MARCHF1: variants seen among roughly 807,000 people sequenced by gnomAD.
The protein encoded by MARCHF1 is E3 ubiquitin-protein ligase MARCHF1.
In MARCHF1, 40 loss-of-function variants were observed where a neutral mutation model predicts 54.2. The ratio of observed to expected loss-of-function variants is 0.74; its 90% CI spans 0.57 to 0.96. The LOEUF is 0.96. MARCHF1 is among the 40% of genes least tolerant of loss of function. The pLI, the probability that MARCHF1 is intolerant of heterozygous loss-of-function variation, is 0.00. For missense variants in MARCHF1, 586 were observed against 656.5 expected (o/e 0.89, Z 1.17); for synonymous variants, 236 against 236.3 (o/e 1.00, Z 0.01).
chr4:163,880,003 G>T (rs1750380223), intron 3 of MARCHF1, among the ~76,000 whole-genome samples: 1 of 151,884 alleles, frequency 6.6e-6, no homozygotes, highest in Non-Finnish European at 1.5e-5. Context: ...TGATGGCTAA[G>T]AAAAAGTTTT....
At chr4:164,049,721 G>T (rs576709087) in intron 2 of MARCHF1, among the ~76,000 whole-genome samples, 2 of 152,074 alleles carry the variant, frequency 1.3e-5, no homozygotes, top group Non-Finnish European at 2.9e-5. Context: ...AGCATGAAAG[G>T]AAATGTCACC....
intron 2 of MARCHF1, among the ~76,000 whole-genome samples, chr4:164,042,968 T>G (rs1049511870): frequency 6.6e-6 from 1 of 152,210 alleles, no homozygotes; most frequent in Admixed American, 6.5e-5. Context: ...GGCATGCTAA[T>G]GCAAGGAGGG....
intron 4 of MARCHF1, among the ~76,000 whole-genome samples, chr4:163,832,597 T>TTATTA (rs1469692142): frequency 3.3e-5 from 5 of 150,264 alleles, no homozygotes; most frequent in Non-Finnish European, 5.9e-5. Context: ...ATTATTATTA[T>TTATTA]TATTATAATA....
In MARCHF1 at chr4:164,284,833, C is replaced by T. The variant is rs72691857; in HGVS notation, c.-323+99037G>A. Among the ~76,000 whole-genome samples, 1,058 of 151,086 alleles carry T rather than the reference C, an allele frequency of 7.0e-3. 21 individuals are homozygous for T. The highest frequency in any genetic ancestry group is 0.012 in the Non-Finnish European group (799 of 67,978). On this transcript the variant is annotated intron_variant, in intron 1 of 9. Transcript: ENST00000514618. ...ATCGTATATGTTTAGCACATATTTT[C>T]GATACAACATGAAAAAATTAGATAC...
At chr4:163,958,435 G>A (rs528995354) in intron 3 of MARCHF1, among the ~76,000 whole-genome samples, 7 of 151,942 alleles carry the variant, frequency 4.6e-5, no homozygotes, top group Non-Finnish European at 7.4e-5. Context: ...AATGTAGCAG[G>A]CATTTAATAA....
At chr4:163,854,267 C>A in intron 3 of MARCHF1, 98 bp from the exon 4 acceptor site, 1 of 898,616 alleles carries the variant, frequency 1.1e-6, no homozygotes, top group Non-Finnish European at 1.6e-6. Context: ...TAACAAAACA[C>A]TAATTGAGAC....
chr4:163,965,937 T>C (rs1052154610), intron 3 of MARCHF1, among the ~76,000 whole-genome samples: 11 of 152,220 alleles, frequency 7.2e-5, no homozygotes, highest in African/African-American at 2.6e-4. Context: ...CCTCTCACAA[T>C]TTTTAGTGAA....
At chr4:164,220,249 T>TA (rs1732054621) in intron 1 of MARCHF1, among the ~76,000 whole-genome samples, 1 of 148,448 alleles carries the variant, frequency 6.7e-6, no homozygotes, top group Non-Finnish European at 1.5e-5. Context: ...TATACACACA[T>TA]ACGTATATAT....
At chr4:164,310,382 G>C (rs1040421317) in intron 1 of MARCHF1, among the ~76,000 whole-genome samples, 1 of 152,046 alleles carries the variant, frequency 6.6e-6, no homozygotes, top group Non-Finnish European at 1.5e-5. Flanking sequence ...GGCCACATGA[G>C]ATGTTTTGAT....
intron 7 of MARCHF1, among the ~76,000 whole-genome samples, chr4:163,588,935 A>C (rs1740495784): frequency 6.6e-6 from 1 of 152,176 alleles, no homozygotes; most frequent in African/African-American, 2.4e-5. Flanking sequence ...AAATTTTACA[A>C]AATAAATCAC....
chr4:164,328,472 T>C (rs1306930732), intron 1 of MARCHF1, among the ~76,000 whole-genome samples: 4 of 152,132 alleles, frequency 2.6e-5, no homozygotes, highest in Admixed American at 6.5e-5. Flanking sequence ...CTAAAGATAA[T>C]GTGCAACTGA....
chr4:164,289,763 A>C (rs1157838756), intron 1 of MARCHF1, among the ~76,000 whole-genome samples: 1 of 151,932 alleles, frequency 6.6e-6, no homozygotes, highest in Non-Finnish European at 1.5e-5. Flanking sequence ...CTTTTAAAAA[A>C]TCTGATCATA....
chr4:164,129,405 T>C (rs997779041), intron 1 of MARCHF1, among the ~76,000 whole-genome samples: 2 of 152,190 alleles, frequency 1.3e-5, no homozygotes, highest in African/African-American at 4.8e-5. Flanking sequence ...CATAATATTT[T>C]ATTAATGTAA....
chr4:163,797,301 G>A (rs1392818607), intron 4 of MARCHF1, among the ~76,000 whole-genome samples: 1 of 150,962 alleles, frequency 6.6e-6, no homozygotes, highest in East Asian at 1.9e-4. Flanking sequence ...TTTGTCTTTG[G>A]TATTATGTAC....
At chr4:164,161,905 G>A (rs1291908711) in intron 1 of MARCHF1, among the ~76,000 whole-genome samples, 1 of 152,100 alleles carries the variant, frequency 6.6e-6, no homozygotes, top group Non-Finnish European at 1.5e-5. Context: ...AGTTCACTGA[G>A]GGACCTGGCA....
chr4:163,528,326 T>TTATTA lies in MARCHF1; in HGVS notation c.*421_*422insTAATA, dbSNP rs68023545. 6.3e-3 allele frequency: 240 copies of TTATTA among 38,064 alleles called. 1 individual carries two copies. The highest frequency in any genetic ancestry group is 0.016 in the African/African-American group (226 of 14,022). 2.4% of individuals were successfully genotyped at this position (38,064 alleles called of 1,614,324 possible). ...TCAGGCTTAAAACCAAATATGTTAGTTATTTCCAGATGAGACAGTTAACAT... is the reference window on the plus strand; with the variant it reads ...TCAGGCTTAAAACCAAATATGTTAGTTATTATATTTCCAGATGAGACAGTTAACAT... On this transcript the variant is annotated 3_prime_UTR_variant, in exon 10 of 10. Transcript: ENST00000514618.
At chr4:163,934,484 A>G (rs905041043) in intron 3 of MARCHF1, among the ~76,000 whole-genome samples, 1 of 149,480 alleles carries the variant, frequency 6.7e-6, no homozygotes, top group African/African-American at 2.5e-5. Context: ...GCTTGAACCC[A>G]AAATTTGAAT....
At chr4:163,870,023 TA>T (rs1750137437) in intron 3 of MARCHF1, among the ~76,000 whole-genome samples, 1 of 152,140 alleles carries the variant, frequency 6.6e-6, no homozygotes. Context: ...GAAATGAACA[TA>T]GTTAAATATT....
chr4:163,562,964 G>T (rs1021391875), intron 8 of MARCHF1, among the ~76,000 whole-genome samples: 2 of 152,146 alleles, frequency 1.3e-5, no homozygotes, highest in African/African-American at 4.8e-5. Context: ...TGTCTTCTCA[G>T]CTGCTACTTA....
Sources: gnomAD v4.1 joint callset for allele counts (sites outside exome capture counted in the v4.1 genomes callset) on GRCh38, gnomAD v4.1.1 for gene constraint, MANE v1.5 for transcripts, NCBI Gene and HGNC (gene_info 2026-07-23, HGNC 2026-07-21) for gene names.